Variants in PHKA2 observed in about 807,000 individuals in gnomAD.
The protein encoded by PHKA2 is phosphorylase kinase regulatory subunit alpha 2, also known as phosphorylase b kinase regulatory subunit alpha, liver isoform.
A neutral mutation model predicts 102.0 loss-of-function variants in PHKA2; 31 were observed. That is an observed-to-expected ratio of 0.30 (90% CI 0.23 to 0.41). The LOEUF (loss-of-function observed/expected upper bound fraction) is 0.41. Ranked by LOEUF, PHKA2 falls within the 10% of genes least tolerant of loss-of-function variation. The pLI is 1.00. For synonymous variants in PHKA2, 455 were observed against 416.2 expected, an observed-to-expected ratio of 1.09 and a Z score of -1.13; for missense variants, 858 against 1,023.1, an observed-to-expected ratio of 0.84 and a Z score of 2.20.
intron 12 of PHKA2, among the ~76,000 whole-genome samples, chrX:18,929,649 CAGGT>C (rs1375508551): frequency 9.0e-6 from 1 of 111,658 alleles, no homozygotes; most frequent in African/African-American, 3.3e-5. Flanking sequence ...TGCCTCCTGA[CAGGT>C]AGGCACTACT....
chrX:18,895,430 A>C, intron 30 of PHKA2: 4 of 422,538 alleles, frequency 9.5e-6, no homozygotes, highest in East Asian at 8.4e-5. Context: ...CCCCCGAACA[A>C]TGCCCTAGGG....
At chrX:18,936,373 C>T (rs1396957563) in intron 10 of PHKA2, among the ~76,000 whole-genome samples, 1 of 111,995 alleles carries the variant, frequency 8.9e-6, no homozygotes, top group Non-Finnish European at 1.9e-5. Flanking sequence ...TGTATCTAAG[C>T]TCAGCCCTGC....
intron 1 of PHKA2, among the ~76,000 whole-genome samples, chrX:18,972,804 A>C (rs745595611): frequency 8.1e-5 from 9 of 111,635 alleles, no homozygotes; most frequent in Non-Finnish European, 1.7e-4. Flanking sequence ...TGCAAATAAT[A>C]ATCTCCATGA....
rs770693130 is a variant in PHKA2, at chrX:18,965,115, C to T, written c.79-10703G>A. On this transcript the variant is annotated intron_variant, in intron 1 of 32. Coordinates refer to ENST00000379942, the MANE Select transcript of PHKA2 (RefSeq NM_000292.3). ...GGTGCAGCTTCGTTCCAGATCCCCA[C>T]GCTCATCTTAAAACTTTCGAAACTC... is the stretch of plus-strand genomic sequence containing the variant. Among the ~76,000 whole-genome samples the T allele has an allele frequency of 8.5e-4, 95 of 112,181 alleles. 2 individuals are homozygous for T. The highest frequency in any genetic ancestry group is 7.3e-3 in the South Asian group (20 of 2,733).
At chrX:18,968,117 G>T (rs1390806288) in intron 1 of PHKA2, among the ~76,000 whole-genome samples, 3 of 111,633 alleles carry the variant, frequency 2.7e-5, no homozygotes, top group African/African-American at 9.8e-5. Context: ...TTCAGGCCGG[G>T]TGCAGTGGCT....
intron 4 of PHKA2, 148 bp from the exon 5 acceptor site, chrX:18,948,974 A>G (rs1351794872): frequency 6.8e-6 from 3 of 439,209 alleles, no homozygotes; most frequent in Non-Finnish European, 1.3e-5. Context: ...TAAGTAAGGC[A>G]TAACAGTGAG....
chrX:18,906,805 G>A lies in PHKA2; in HGVS notation c.2607C>T (p.Pro869=). Residue 869 remains proline, a synonymous_variant, in exon 24 of 33, where the codon CCC becomes CCT. Transcript: ENST00000379942. Reference sequence around the variant, plus strand: ...AGATGAGTTTTGTGAGCTCCTCTGGGGGAAGGGGCCTAGAAAGGAGCATTG... The same window carrying A: ...AGATGAGTTTTGTGAGCTCCTCTGGAGGAAGGGGCCTAGAAAGGAGCATTG... The part of the protein sequence containing the change: ...PREKIISAPL[P]PEELTKLIYE... 1 of 1,208,534 alleles carries A rather than the reference G, an allele frequency of 8.3e-7. No homozygotes were observed. The highest frequency in any genetic ancestry group is 1.1e-6 in the Non-Finnish European group (1 of 892,196).
intron 1 of PHKA2, among the ~76,000 whole-genome samples, chrX:18,966,068 T>G (rs2048936765): frequency 9.5e-6 from 1 of 105,145 alleles, no homozygotes; most frequent in African/African-American, 3.5e-5. Flanking sequence ...ACTCTCTTGG[T>G]GGTGGCTCTT....
chrX:18,939,318 G>A (rs1304808447), intron 9 of PHKA2, among the ~76,000 whole-genome samples: 3 of 110,557 alleles, frequency 2.7e-5, no homozygotes, highest in Non-Finnish European at 1.9e-5. Flanking sequence ...TAGGACCACA[G>A]GTACATGCCA....
chrX:18,896,030 G>A (rs2047545915), intron 30 of PHKA2: 1 of 112,207 alleles, frequency 8.9e-6, no homozygotes, highest in African/African-American at 3.2e-5. Context: ...ATACCTTGGG[G>A]CCCATGAAGC....
At chrX:18,951,477 G>C (rs2048686937) in intron 3 of PHKA2, among the ~76,000 whole-genome samples, 1 of 111,461 alleles carries the variant, frequency 9.0e-6, no homozygotes, top group African/African-American at 3.3e-5. Context: ...GTCCCAGCCT[G>C]GGGGGAGTCT....
Position 18,893,114 on chromosome X carries a change from C to T in PHKA2, c.*371G>A. 3.9e-6 allele frequency: 1 copy of T among 256,333 alleles called. No individual in the cohort carries two copies. The highest frequency in any genetic ancestry group is 7.2e-6 in the Non-Finnish European group (1 of 139,247). 21.1% of individuals were successfully genotyped at this position (256,333 alleles called of 1,213,427 possible). On this transcript the variant is annotated 3_prime_UTR_variant, in exon 33 of 33. Transcript: ENST00000379942. ...AGGATGTGTCACTAGCTCATCGAAACTATTTCTGTAACTCTCTGCAAGAGC... is the reference window on the plus strand; with the variant it reads ...AGGATGTGTCACTAGCTCATCGAAATTATTTCTGTAACTCTCTGCAAGAGC...
intron 1 of PHKA2, among the ~76,000 whole-genome samples, chrX:18,983,023 G>A (rs1213119750): frequency 8.9e-6 from 1 of 112,066 alleles, no homozygotes; most frequent in Non-Finnish European, 1.9e-5. Flanking sequence ...AGTTAAGAAG[G>A]GAAAATGGTC....
chrX:18,893,440 G>A lies in PHKA2; in HGVS notation c.*45C>T, dbSNP rs1033402707. 4.5e-5 allele frequency: 52 copies of A among 1,162,987 alleles called. No individual in the cohort carries two copies. The highest frequency in any genetic ancestry group is 6.0e-5 in the Non-Finnish European group (51 of 853,134). On this transcript the variant is annotated 3_prime_UTR_variant, in exon 33 of 33. Coordinates refer to ENST00000379942, the MANE Select transcript of PHKA2 (RefSeq NM_000292.3). ...CAGAAGGTTCCCAGTAAGGCTAGGGGGCACGTGACAGATTGAGAGTGTGAT... is the reference window on the plus strand; with the variant it reads ...CAGAAGGTTCCCAGTAAGGCTAGGGAGCACGTGACAGATTGAGAGTGTGAT...
chrX:18,901,216 G>A (rs1217407333), intron 27 of PHKA2, among the ~76,000 whole-genome samples: 1 of 110,923 alleles, frequency 9.0e-6, no homozygotes, highest in Non-Finnish European at 1.9e-5. Context: ...GTGGTTCTCG[G>A]GAACAGAGGC....
At position 18,906,436 on chromosome X, in the gene PHKA2, C is replaced by T. The variant is rs746604167; in HGVS notation, c.2806+59G>A. 3.2e-4 allele frequency: 386 copies of T among 1,194,010 alleles called. 1 individual carries two copies. In the Admixed American group the frequency reaches 8.2e-3, roughly 25 times the overall value. On this transcript the variant is annotated intron_variant, in intron 25 of 32. Coordinates refer to ENST00000379942, the MANE Select transcript of PHKA2 (RefSeq NM_000292.3). ...CAGTTCTTCCCCTGAGAGTGGAGGC[C>T]GTGGCCGGGTGGTTGGGGTGGGGTG...
chrX:18,941,844 A>C (rs750521608), intron 7 of PHKA2, among the ~76,000 whole-genome samples, 169 bp from the exon 8 acceptor site: 119 of 113,023 alleles, frequency 1.1e-3, no homozygotes, highest in African/African-American at 3.3e-3. Context: ...TATCCAGCCA[A>C]TGATTCCTAT....
chrX:18,954,190 T>C (rs956694710), intron 2 of PHKA2, 64 bp downstream of exon 2: 3 of 1,117,739 alleles, frequency 2.7e-6, no homozygotes, highest in Non-Finnish European at 2.5e-6. Flanking sequence ...TACTTCTCTG[T>C]GGGTTTTTCA....
Position 18,893,350 on chromosome X carries a change from C to T in PHKA2, c.*135G>A. 1 of 633,370 alleles carries T rather than the reference C, an allele frequency of 1.6e-6. No individual in the cohort carries two copies. The highest frequency in any genetic ancestry group is 2.3e-5 in the South Asian group (1 of 43,965). The allele number at this position is 633,370 out of a possible 1,213,427, so 52.2% of individuals were successfully genotyped here. On this transcript the variant is annotated 3_prime_UTR_variant, in exon 33 of 33. Transcript: ENST00000379942. ...ACATCAGTTTCAGGGTGAGTGCTAC[C>T]ATTGCCCCCCGAGAGTGTTTCTGAT...
Sources: allele counts gnomAD v4.1 joint callset (sites outside exome capture counted in the v4.1 genomes callset), GRCh38; gene constraint gnomAD v4.1.1; transcripts MANE v1.5; gene names NCBI Gene and HGNC (gene_info 2026-07-23, HGNC 2026-07-21).